ADAP1: variants seen among roughly 807,000 people sequenced by gnomAD.
The protein encoded by ADAP1 is arf-GAP with dual PH domain-containing protein 1.
A neutral mutation model predicts 54.9 loss-of-function variants in ADAP1; 31 were observed. The ratio of observed to expected loss-of-function variants is 0.56; its 90% CI spans 0.42 to 0.76. The LOEUF (loss-of-function observed/expected upper bound fraction) is 0.76, where lower values mean the gene tolerates loss of function less well. Among genes scored for constraint, ADAP1 ranks in the 30% least tolerant of loss-of-function variants. The pLI is 0.00. For synonymous variants in ADAP1, 313 were observed against 202.6 expected (o/e 1.55, Z -4.63); for missense variants, 535 against 512.4 (o/e 1.04, Z -0.42).
Position 899,047 on chromosome 7 carries a change from G to A in ADAP1, c.1082C>T (p.Pro361Leu). 2 of 1,608,898 alleles carry A rather than the reference G, an allele frequency of 1.2e-6. No homozygotes were observed. Among genetic ancestry groups the A allele is most frequent in the Non-Finnish European group, 1.7e-6 (2 of 1,179,874 alleles). ...FQKAVDRPML[P>L]QEYAVEAHFK... ...GCCCCCCTCACCTGCGTACTCCTGG[G>A]GCAGCATGGGCCTGTCCACCGCCTT... The change falls in exon 10 of 11, where the codon CCC becomes CTC. Residue 361 changes from proline to leucine, a missense_variant. Pro to Leu is a moderately conservative substitution (Grantham distance 98). Coordinates refer to ENST00000265846, the MANE Select transcript of ADAP1 (RefSeq NM_006869.4).
At chr7:934,469 C>T (rs1846684889) in intron 2 of ADAP1, among the ~76,000 whole-genome samples, 2 of 152,052 alleles carry the variant, frequency 1.3e-5, no homozygotes, top group South Asian at 4.1e-4. Context: ...CCCTCCCCAT[C>T]CCCACAGCAG....
intron 1 of ADAP1, among the ~76,000 whole-genome samples, chr7:943,325 GGAGA>G (rs1291894716): frequency 1.6e-4 from 2 of 12,860 alleles, no homozygotes; most frequent in African/African-American, 1.5e-3. Context: ...GAGGAGGAAG[GGAGA>G]GAGGAGGAGG....
chr7:932,460 C>G (rs559576106), intron 2 of ADAP1, among the ~76,000 whole-genome samples: 1 of 152,214 alleles, frequency 6.6e-6, no homozygotes, highest in Non-Finnish European at 1.5e-5. Flanking sequence ...GCCAAGGAGT[C>G]TGTGCCCCTG....
At chr7:918,108 A>G (rs2128103868) in intron 4 of ADAP1, among the ~76,000 whole-genome samples, 1 of 152,230 alleles carries the variant, frequency 6.6e-6, no homozygotes, top group South Asian at 2.1e-4. Context: ...TTGTATTTTT[A>G]GTAGAGACGG....
intron 4 of ADAP1, among the ~76,000 whole-genome samples, chr7:909,509 C>T (rs1222275037): frequency 6.6e-6 from 1 of 152,170 alleles, no homozygotes; most frequent in East Asian, 1.9e-4. Context: ...CGGCGCTGGC[C>T]ACGGTCCCGG....
rs28485288 is a variant in ADAP1 at position 905,226 on chromosome 7, A to C, written c.389-54T>G. The C allele has an allele frequency of 0.013, 17,965 of 1,378,768 alleles. 1,612 individuals carry two copies. The African/African-American group carries it at 0.21, about 16-fold the overall frequency. The allele number at this position is 1,378,768 out of a possible 1,614,324, so 85.4% of individuals were successfully genotyped here. ...GACAGTGGATGGGGGGGAGGAAACA[A>C]AAGGAGTGACGATGGACAGGACAGA... On this transcript the variant is annotated intron_variant, in intron 4 of 10. Transcript: ENST00000265846.
chr7:942,440 A>T (rs1377037383), intron 1 of ADAP1, among the ~76,000 whole-genome samples: 2 of 53,494 alleles, frequency 3.7e-5, no homozygotes, highest in African/African-American at 7.4e-5. Context: ...AGGAAGGGAG[A>T]GAGGAGGAGG....
At chr7:914,464 G>A (rs779060944) in intron 4 of ADAP1, among the ~76,000 whole-genome samples, 4 of 152,190 alleles carry the variant, frequency 2.6e-5, no homozygotes, top group African/African-American at 7.2e-5. Flanking sequence ...GCCAACTGGC[G>A]CTGGAGCCCT....
chr7:908,923 GAC>G (rs1845591447), intron 4 of ADAP1, among the ~76,000 whole-genome samples: 1 of 152,204 alleles, frequency 6.6e-6, no homozygotes, highest in African/African-American at 2.4e-5. Context: ...CCCTGCCCAG[GAC>G]ACAGCGGGGG....
chr7:940,519 A>G (rs1846915594), intron 1 of ADAP1, among the ~76,000 whole-genome samples: 1 of 152,208 alleles, frequency 6.6e-6, no homozygotes, highest in African/African-American at 2.4e-5. Context: ...GAGTTTTACT[A>G]GGATGACTAA....
At chr7:949,183 G>A (rs972238083) in intron 1 of ADAP1, among the ~76,000 whole-genome samples, 1 of 152,258 alleles carries the variant, frequency 6.6e-6, no homozygotes, top group African/African-American at 2.4e-5. Context: ...AGCGGGGGAA[G>A]GCGCCTTGCC....
chr7:915,985 G>A (rs1201453442), intron 4 of ADAP1, among the ~76,000 whole-genome samples: 4 of 152,138 alleles, frequency 2.6e-5, no homozygotes, highest in Non-Finnish European at 5.9e-5. Context: ...ACGAGACACT[G>A]TCTGCCACCT....
At position 954,623 on chromosome 7, in the gene ADAP1, G is replaced by A; in HGVS notation, c.-146C>T. 2 of 982,508 alleles carry A rather than the reference G, an allele frequency of 2.0e-6. No homozygotes were observed. Among genetic ancestry groups the A allele is most frequent in the Non-Finnish European group, 2.4e-6 (2 of 829,002 alleles). 60.9% of individuals were successfully genotyped at this position (982,508 alleles called of 1,614,324 possible). On this transcript the variant is annotated 5_prime_UTR_variant, in exon 1 of 11. Transcript: ENST00000265846. Reference sequence around the variant, plus strand: ...GCCCGCGCGCCGGTTCCGCATTCCCGCCGCCCTCTGGGCTCCGCCGCCGCC... The same window carrying A: ...GCCCGCGCGCCGGTTCCGCATTCCCACCGCCCTCTGGGCTCCGCCGCCGCC...
upstream of ADAP1, among the ~76,000 whole-genome samples, chr7:954,903 GGGTGGGACCCTCGTGCCGCCGCGCGC>G (rs1301023447): frequency 2.0e-5 from 3 of 152,054 alleles, no homozygotes; most frequent in Non-Finnish European, 4.4e-5. Flanking sequence ...TGGCCGGCCT[GGGTGGGACCCTCGTGCCGCCGCGCGC>G]GGTGGGACGG....
At chr7:930,837 C>G (rs919541043) in intron 2 of ADAP1, among the ~76,000 whole-genome samples, 6 of 150,114 alleles carry the variant, frequency 4.0e-5, no homozygotes, top group African/African-American at 1.5e-4. Flanking sequence ...AGTAGCCAGG[C>G]ACGGTGGTGT....
intron 4 of ADAP1, among the ~76,000 whole-genome samples, chr7:915,922 C>T (rs1845915787): frequency 6.8e-6 from 1 of 146,762 alleles, no homozygotes; most frequent in African/African-American, 2.5e-5. Context: ...CCCGCGCCCA[C>T]TTTCCACGAG....
At position 928,843 on chromosome 7, in the gene ADAP1, C is replaced by T. The variant is rs564732892; in HGVS notation, c.214-2199G>A. On this transcript the variant is annotated intron_variant, in intron 2 of 10. Transcript: ENST00000265846. ...ACCATAGAGTCCAGCGATTCCTCTGCACCGTAAGAGACGCGAAGACGCAGA... is the reference window on the plus strand; with the variant it reads ...ACCATAGAGTCCAGCGATTCCTCTGTACCGTAAGAGACGCGAAGACGCAGA... 2.6e-5 allele frequency among the ~76,000 whole-genome samples: 4 copies of T among 152,360 alleles called. No homozygotes were observed. The South Asian group carries it at 8.3e-4, about 32-fold the overall frequency.
chr7:924,103 G>A (rs1222160152), intron 3 of ADAP1, among the ~76,000 whole-genome samples: 1 of 58,742 alleles, frequency 1.7e-5, no homozygotes, highest in Non-Finnish European at 3.2e-5. Flanking sequence ...CGCCCTCCGG[G>A]TTACACTGCA....
At chr7:900,201 T>G (rs746684475) in intron 7 of ADAP1, 37 bp from the exon 8 acceptor site, 4 of 1,611,738 alleles carry the variant, frequency 2.5e-6, no homozygotes, top group African/African-American at 1.3e-5. Flanking sequence ...ACCTCAGAAG[T>G]GCAGCTCAGG....
Sources: gnomAD v4.1 joint callset for allele counts (sites outside exome capture counted in the v4.1 genomes callset) on GRCh38, gnomAD v4.1.1 for gene constraint, MANE v1.5 for transcripts, NCBI Gene and HGNC (gene_info 2026-07-23, HGNC 2026-07-21) for gene names.